Variants in TNIP3 observed in about 807,000 individuals in gnomAD.
TNIP3 encodes TNFAIP3 interacting protein 3.
In TNIP3, 34 loss-of-function variants were observed where a neutral mutation model predicts 54.1. The observed-to-expected ratio is 0.63, with a 90% CI of 0.48 to 0.84. TNIP3 has a LOEUF of 0.84. Ranked by LOEUF, TNIP3 falls within the 40% of genes least tolerant of loss-of-function variation. The pLI is 0.00. For missense variants in TNIP3, 366 were observed against 387.6 expected, an observed-to-expected ratio of 0.94 and a Z score of 0.47; for synonymous variants, 134 against 136.8, an observed-to-expected ratio of 0.98 and a Z score of 0.14.
At chr4:121,216,962 T>A (rs138735579), upstream of TNIP3, among the ~76,000 whole-genome samples, 6 of 151,438 alleles carry the variant, frequency 4.0e-5, no homozygotes, top group African/African-American at 1.4e-4. Flanking sequence ...CCAACAGGAG[T>A]TTATGATTAT....
chr4:121,196,320 T>A (rs1486255233), intron 2 of TNIP3, among the ~76,000 whole-genome samples: 4 of 152,248 alleles, frequency 2.6e-5, no homozygotes, highest in Non-Finnish European at 5.9e-5. Context: ...AGGTAAAGAA[T>A]TAAGACAGAT....
At position 121,138,397 on chromosome 4, in the gene TNIP3, A is replaced by G. The variant is rs564994671; in HGVS notation, c.946+227T>C. ...GGAATTCTGACTCTGAGACTGAAAA[A>G]GGAACAGAAGCCAGAATTGAGGTTC... On this transcript the variant is annotated intron_variant, in intron 10 of 10. Transcript: ENST00000057513. 3.4e-4 allele frequency among the ~76,000 whole-genome samples: 52 copies of G among 152,362 alleles called. 1 individual carries two copies. Among genetic ancestry groups the G allele is most frequent in the African/African-American group, 1.2e-3 (48 of 41,592 alleles).
intron 2 of TNIP3, among the ~76,000 whole-genome samples, chr4:121,213,682 G>T (rs1265543890): frequency 1.3e-5 from 2 of 149,818 alleles, no homozygotes; most frequent in African/African-American, 2.5e-5. Flanking sequence ...AGTCGAGATC[G>T]TGCCACTGCA....
chr4:121,141,384 A>C (rs1237571199), intron 9 of TNIP3, among the ~76,000 whole-genome samples: 1 of 152,248 alleles, frequency 6.6e-6, no homozygotes, highest in Non-Finnish European at 1.5e-5. Context: ...TTTCAATTGG[A>C]AAATGTCAAA....
At chr4:121,206,645 C>A (rs1300916906) in intron 2 of TNIP3, among the ~76,000 whole-genome samples, 2 of 152,094 alleles carry the variant, frequency 1.3e-5, no homozygotes, top group Non-Finnish European at 2.9e-5. Flanking sequence ...CTTCCAGACT[C>A]AAGAGATCCT....
chr4:121,217,303 C>T (rs1253565434), upstream of TNIP3, among the ~76,000 whole-genome samples: 2 of 152,034 alleles, frequency 1.3e-5, no homozygotes, highest in African/African-American at 4.8e-5. Context: ...GGAGTTAGGC[C>T]CATGGGAAAC....
intron 1 of TNIP3, among the ~76,000 whole-genome samples, chr4:121,163,723 A>G (rs1479819957): frequency 6.6e-6 from 1 of 152,214 alleles, no homozygotes; most frequent in Non-Finnish European, 1.5e-5. Flanking sequence ...TAAAAATATT[A>G]CTACAGATAC....
intron 2 of TNIP3, among the ~76,000 whole-genome samples, chr4:121,187,876 T>C (rs548288910): frequency 2.0e-5 from 3 of 152,358 alleles, no homozygotes; most frequent in Admixed American, 2.0e-4. Context: ...GACACAACTT[T>C]AGTTACTTTC....
At chr4:121,170,050 C>A (rs984220881) in intron 3 of TNIP3, among the ~76,000 whole-genome samples, 1 of 152,186 alleles carries the variant, frequency 6.6e-6, no homozygotes, top group African/African-American at 2.4e-5. Flanking sequence ...CAATCTGACC[C>A]ACCTTGACCA....
At chr4:121,203,857 T>C (rs111376785) in intron 2 of TNIP3, among the ~76,000 whole-genome samples, 1 of 151,074 alleles carries the variant, frequency 6.6e-6, no homozygotes, top group African/African-American at 2.4e-5. Context: ...TTCCATATTT[T>C]TCTCTGTGTT....
At chr4:121,136,000 C>T (rs546820044) in intron 10 of TNIP3, among the ~76,000 whole-genome samples, 2 of 152,280 alleles carry the variant, frequency 1.3e-5, no homozygotes, top group East Asian at 1.9e-4. Flanking sequence ...TGGTGGTGCC[C>T]TAACCATGAT....
At chr4:121,163,849 G>A (rs988427474) in intron 1 of TNIP3, among the ~76,000 whole-genome samples, 2 of 152,040 alleles carry the variant, frequency 1.3e-5, no homozygotes, top group African/African-American at 4.8e-5. Flanking sequence ...AAGGCTGAAA[G>A]GAATTTAAGC....
chr4:121,134,286 C>T (rs1315547324), intron 10 of TNIP3, among the ~76,000 whole-genome samples: 1 of 152,206 alleles, frequency 6.6e-6, no homozygotes. Context: ...ACAGAAGTGA[C>T]TGGCATGCAA....
At chr4:121,135,901 G>A (rs1450235518) in intron 10 of TNIP3, among the ~76,000 whole-genome samples, 2 of 152,114 alleles carry the variant, frequency 1.3e-5, no homozygotes, top group African/African-American at 4.8e-5. Context: ...CTTATGACAT[G>A]GCTTAAGCTA....
chr4:121,174,792 A>G (rs1426771121), intron 3 of TNIP3, among the ~76,000 whole-genome samples: 1 of 152,222 alleles, frequency 6.6e-6, no homozygotes, highest in East Asian at 1.9e-4. Context: ...AAAATAAAGT[A>G]AAAAGTGTTT....
intron 2 of TNIP3, among the ~76,000 whole-genome samples, chr4:121,206,936 G>A (rs1469984325): frequency 6.6e-6 from 1 of 152,044 alleles, no homozygotes; most frequent in African/African-American, 2.4e-5. Flanking sequence ...CATGGGAGTT[G>A]TACATGAATT....
In TNIP3 at chr4:121,208,968, G is replaced by A. The variant is rs78809723; in HGVS notation, c.68+7447C>T. Among the ~76,000 whole-genome samples the A allele has an allele frequency of 2.9e-4, 44 of 152,174 alleles. No homozygotes were observed. In the East Asian group the frequency reaches 7.9e-3, roughly 27 times the overall value. On this transcript the variant is annotated intron_variant, in intron 2 of 12. Transcript: ENST00000507879. Reference sequence around the variant, plus strand: ...TTCCCCAATCTCCAGGAAGGGGAGGGAGCTCCCCAATCTCCAGGAAGGGGA... The same window carrying A: ...TTCCCCAATCTCCAGGAAGGGGAGGAAGCTCCCCAATCTCCAGGAAGGGGA...
exon 3 of TNIP3, chr4:121,182,741 A>G: frequency 6.5e-7 from 1 of 1,534,078 alleles, no homozygotes; most frequent in Non-Finnish European, 8.7e-7. Context: ...GGATGAGGAG[A>G]CGCATTTCTC....
chr4:121,166,066 G>A (rs1294320160), upstream of TNIP3, among the ~76,000 whole-genome samples: 1 of 152,150 alleles, frequency 6.6e-6, no homozygotes, highest in Non-Finnish European at 1.5e-5. Flanking sequence ...AAGTGGGTGG[G>A]AAGAACATTT....
Sources: allele counts gnomAD v4.1 joint callset (sites outside exome capture counted in the v4.1 genomes callset), GRCh38; gene constraint gnomAD v4.1.1; transcripts MANE v1.5; gene names NCBI Gene and HGNC (gene_info 2026-07-23, HGNC 2026-07-21).